CASP8: variants seen among roughly 807,000 people sequenced by gnomAD.
The protein encoded by CASP8 is caspase-8.
Under a neutral mutation model 46.3 loss-of-function variants are expected in CASP8, and 24 were observed. The observed-to-expected ratio is 0.52, with a 90% CI of 0.38 to 0.73. The LOEUF is 0.73. Ranked by LOEUF, CASP8 falls within the 30% of genes least tolerant of loss-of-function variation. CASP8 has a pLI of 0.00. For missense variants in CASP8, 460 were observed against 559.0 expected (o/e 0.82, Z 1.79); for synonymous variants, 188 against 200.4 (o/e 0.94, Z 0.52).
intron 2 of CASP8, among the ~76,000 whole-genome samples, chr2:201,237,492 A>G (rs1946107915): frequency 6.6e-6 from 1 of 152,084 alleles, no homozygotes; most frequent in African/African-American, 2.4e-5. Context: ...AAGAAAAGAA[A>G]ACATCCAGCA....
intron 7 of CASP8, among the ~76,000 whole-genome samples, chr2:201,283,274 C>T (rs1949258943): frequency 1.1e-5 from 1 of 94,484 alleles, no homozygotes; most frequent in Admixed American, 9.0e-5. Context: ...GGGGGTTGAA[C>T]CCCCACCTCC....
At chr2:201,260,780 T>C (rs1947332319) in intron 1 of CASP8, among the ~76,000 whole-genome samples, 167 bp downstream of exon 1, 1 of 152,098 alleles carries the variant, frequency 6.6e-6, no homozygotes, top group Admixed American at 6.5e-5. Context: ...GTGTAAGAGG[T>C]AGCAGTCCCT....
At chr2:201,273,659 A>C (rs1286730836) in intron 5 of CASP8, among the ~76,000 whole-genome samples, 2 of 151,946 alleles carry the variant, frequency 1.3e-5, no homozygotes. Flanking sequence ...CTCCTTCAAA[A>C]TTTTGATTAA....
intron 7 of CASP8, among the ~76,000 whole-genome samples, chr2:201,282,417 T>C (rs1471434266): frequency 1.3e-5 from 1 of 74,146 alleles, no homozygotes. Context: ...AAAACCGCCA[T>C]TGTCATCATG....
chr2:201,279,693 G>A (rs1295759911), intron 7 of CASP8, among the ~76,000 whole-genome samples: 6 of 152,090 alleles, frequency 3.9e-5, no homozygotes, highest in Non-Finnish European at 4.4e-5. Flanking sequence ...GTACGGTGGC[G>A]TGAAAATCCA....
chr2:201,268,763 G>A (rs958187336), intron 2 of CASP8, among the ~76,000 whole-genome samples: 8 of 152,130 alleles, frequency 5.3e-5, no homozygotes, highest in African/African-American at 1.7e-4. Context: ...CTTCGGGTGG[G>A]TGGAGGAATC....
chr2:201,259,968 CT>C (rs1187604552), upstream of CASP8, among the ~76,000 whole-genome samples: 1 of 137,882 alleles, frequency 7.3e-6, no homozygotes. Context: ...AGAGTTTTTT[CT>C]TTTTAGAGTT....
intron 2 of CASP8, among the ~76,000 whole-genome samples, chr2:201,247,933 T>C (rs192739303): frequency 4.5e-3 from 691 of 152,238 alleles, no homozygotes; most frequent in African/African-American, 0.013. Context: ...CGTGAGCCAC[T>C]GCGCCCGGCC....
chr2:201,261,378 C>T (rs1305025338), intron 1 of CASP8, among the ~76,000 whole-genome samples: 10 of 118,912 alleles, frequency 8.4e-5, no homozygotes, highest in Non-Finnish European at 1.3e-4. Flanking sequence ...GCAACAAGAG[C>T]GAAACTCCGT....
chr2:201,275,259 C>T lies in CASP8; in HGVS notation c.660+306C>T, dbSNP rs35304564. Among the ~76,000 whole-genome samples, 425 of 152,216 alleles carry T rather than the reference C, an allele frequency of 2.8e-3. 2 individuals carry two copies. The highest frequency in any genetic ancestry group is 9.8e-3 in the African/African-American group (409 of 41,538). On this transcript the variant is annotated intron_variant, in intron 6 of 8. Coordinates refer to ENST00000673742, the MANE Select transcript of CASP8 (RefSeq NM_001372051.1). ...CAAATCTTCTAGCAGCCGTGCCAGC[C>T]TGGATGGGGGAGTGGTTTGGAGAAA...
intron 6 of CASP8, among the ~76,000 whole-genome samples, chr2:201,276,460 G>A (rs1330388185): frequency 6.6e-6 from 1 of 152,190 alleles, no homozygotes. Flanking sequence ...AGTGACTCTT[G>A]ATTGAGCTCT....
At chr2:201,234,055 G>A (rs1311405924) in exon 2 of CASP8, 1 of 152,490 alleles carries the variant, frequency 6.6e-6, no homozygotes, top group East Asian at 1.9e-4. Flanking sequence ...GGCACGTGAG[G>A]TTGGGCCTTG....
intron 2 of CASP8, among the ~76,000 whole-genome samples, chr2:201,267,762 A>G (rs1435029232): frequency 6.6e-6 from 1 of 152,086 alleles, no homozygotes; most frequent in Non-Finnish European, 1.5e-5. Flanking sequence ...TTCTGGGCCC[A>G]TTTCATTGTC....
chr2:201,253,071 A>G (rs1432599621), intron 2 of CASP8, among the ~76,000 whole-genome samples: 1 of 151,858 alleles, frequency 6.6e-6, no homozygotes, highest in African/African-American at 2.4e-5. Context: ...TGCAGCCTTG[A>G]ACTCCTGGGT....
At chr2:201,237,359 G>T (rs1228173920) in intron 2 of CASP8, among the ~76,000 whole-genome samples, 1 of 149,450 alleles carries the variant, frequency 6.7e-6, no homozygotes, top group Non-Finnish European at 1.5e-5. Flanking sequence ...CCAAAGTGCT[G>T]GGATTACAGG....
chr2:201,262,489 T>G (rs1350232669), intron 1 of CASP8, among the ~76,000 whole-genome samples: 1 of 151,904 alleles, frequency 6.6e-6, no homozygotes, highest in African/African-American at 2.4e-5. Flanking sequence ...TTATATAAAA[T>G]ATATGTATTA....
intron 2 of CASP8, among the ~76,000 whole-genome samples, chr2:201,255,373 T>C (rs540384774): frequency 1.4e-4 from 21 of 152,318 alleles, no homozygotes; most frequent in Admixed American, 1.2e-3. Flanking sequence ...CCACTGTGCC[T>C]GGCCATAATT....
At chr2:201,282,503 G>C (rs1161353772) in intron 7 of CASP8, among the ~76,000 whole-genome samples, 1 of 110,346 alleles carries the variant, frequency 9.1e-6, no homozygotes, top group Admixed American at 8.1e-5. Flanking sequence ...TCACTTCCCA[G>C]TAGGGGCGGC....
At chr2:201,247,476 A>G (rs1467518307) in intron 2 of CASP8, among the ~76,000 whole-genome samples, 1 of 133,784 alleles carries the variant, frequency 7.5e-6, no homozygotes, top group African/African-American at 2.7e-5. Flanking sequence ...CCTCATTAGC[A>G]CAACCTATTT....
Sources: gnomAD v4.1 joint callset for allele counts (sites outside exome capture counted in the v4.1 genomes callset) on GRCh38, gnomAD v4.1.1 for gene constraint, MANE v1.5 for transcripts, NCBI Gene and HGNC (gene_info 2026-07-23, HGNC 2026-07-21) for gene names.